ABCF1: variants seen among roughly 807,000 people sequenced by gnomAD.
The protein encoded by ABCF1 is ATP binding cassette subfamily F member 1, also known as ATP-binding cassette sub-family F member 1.
In ABCF1, 73 loss-of-function variants were observed where a neutral mutation model predicts 126.3. The ratio of observed to expected loss-of-function variants is 0.58; its 90% CI spans 0.48 to 0.70. The LOEUF is 0.70. ABCF1 is among the 30% of genes least tolerant of loss of function. ABCF1 has a pLI of 0.00. For synonymous variants in ABCF1, 345 were observed against 396.4 expected (o/e 0.87, Z 1.54); for missense variants, 786 against 1,057.5 (o/e 0.74, Z 3.56).
At chr6:30,587,301 A>G (rs1206640849) in intron 20 of ABCF1, among the ~76,000 whole-genome samples, 1 of 151,120 alleles carries the variant, frequency 6.6e-6, no homozygotes, top group Non-Finnish European at 1.5e-5. Context: ...CTATAATCCC[A>G]ACTCTTTGGG....
intron 1 of ABCF1, among the ~76,000 whole-genome samples, chr6:30,576,274 C>CTATTTT (rs1235123074): frequency 1.5e-5 from 1 of 67,102 alleles, no homozygotes; most frequent in South Asian, 9.0e-4. Context: ...TCTCTGAGTG[C>CTATTTT]TCTTTTTTTT....
rs181991826 is a variant in ABCF1 at position 30,576,931 on chromosome 6, C to T, written c.74-478C>T. Among the ~76,000 whole-genome samples the T allele has an allele frequency of 1.4e-3, 206 of 152,332 alleles. No homozygotes were observed. In the Middle Eastern group the frequency reaches 0.027, roughly 20 times the overall value. ...GGGCCTGTGCACAGCACTGGAATTACACCATGTGTCTGACTAACTTCTCAT... is the reference window on the plus strand; with the variant it reads ...GGGCCTGTGCACAGCACTGGAATTATACCATGTGTCTGACTAACTTCTCAT... On this transcript the variant is annotated intron_variant, in intron 1 of 24. Transcript: ENST00000326195.
At chr6:30,580,047 A>T (rs1237118874) in intron 7 of ABCF1, 42 bp downstream of exon 7, 1 of 1,596,932 alleles carries the variant, frequency 6.3e-7, no homozygotes, top group Admixed American at 1.7e-5. Flanking sequence ...GGGCCCAGGA[A>T]TTAAAACATT....
chr6:30,584,062 A>G lies in ABCF1; in HGVS notation c.1103-130A>G. The G allele has an allele frequency of 2.1e-6, 3 of 1,427,862 alleles. No individual in the cohort carries two copies. The highest frequency in any genetic ancestry group is 1.9e-6 in the Non-Finnish European group (2 of 1,055,504). The allele number at this position is 1,427,862 out of a possible 1,614,324, so 88.4% of individuals were successfully genotyped here. A position where few individuals can be genotyped will look rare whatever the true frequency, so the allele number is the denominator to read the frequency against. ...GAGGGGAGGGTCAATGAGGAACTTG[A>G]GAGTGTTTTATTTGGAACAAGTACA... On this transcript the variant is annotated intron_variant, in intron 12 of 24. Coordinates refer to ENST00000326195, the MANE Select transcript of ABCF1 (RefSeq NM_001025091.2). The surrounding 1 kb of genome is among the most constrained non-coding windows in gnomAD (Gnocchi z 4.6).
Position 30,582,387 on chromosome 6 carries a change from C to A in ABCF1, c.679-7C>A. On this transcript the variant is annotated splice_polypyrimidine_tract_variant and splice_region_variant and intron_variant, in intron 8 of 24. Transcript: ENST00000326195. ...CCCTAGTTTTGACCATCCCCGGGTT[C>A]TCACAGGGTTCAGAGGAAGAAGGAG... 6.3e-7 allele frequency: 1 copy of A among 1,580,332 alleles called. No homozygotes were observed. The highest frequency in any genetic ancestry group is 8.7e-7 in the Non-Finnish European group (1 of 1,153,196).
chr6:30,583,024 G>A lies in ABCF1; in HGVS notation c.793-42G>A, dbSNP rs1801906991. 6.3e-7 allele frequency: 1 copy of A among 1,587,500 alleles called. No homozygotes were observed. Among genetic ancestry groups the A allele is most frequent in the Non-Finnish European group, 8.6e-7 (1 of 1,160,836 alleles). ...GGCTGTTTCATGGTGATGGGAAACT[G>A]GTAGACTGTGGCTTCAAATGTAGTT... On this transcript the variant is annotated intron_variant, in intron 9 of 24. Coordinates refer to ENST00000326195, the MANE Select transcript of ABCF1 (RefSeq NM_001025091.2). This position sits in a 1 kb window ranked among gnomAD's most constrained non-coding sequence, Gnocchi z 4.1.
At position 30,586,186 on chromosome 6, in the gene ABCF1, A is replaced by C; in HGVS notation, c.1766A>C (p.Lys589Thr). 6.2e-7 allele frequency: 1 copy of C among 1,614,060 alleles called. No homozygotes were observed. The highest frequency in any genetic ancestry group is 1.1e-5 in the South Asian group (1 of 91,086). Residue 589 changes from lysine to threonine, a missense_variant, in exon 18 of 25, where the codon AAA (lysine) becomes ACA (threonine). Physicochemically the swap from Lys to Thr is moderately conservative, Grantham distance 78 (BLOSUM62 -1). Around this residue, in one of 4 missense-constraint regions of ABCF1, gnomAD observed 288 missense variants for 423.5 expected, o/e 0.68. Transcript: ENST00000326195. This position sits in a 1 kb window ranked among gnomAD's most constrained non-coding sequence, Gnocchi z 4.9. ...LTRKQQKCRR[K>T]NQDEESQEAP... Reference sequence around the variant, plus strand: ...CGGAAGCAGCAGAAATGCCGACGGAAAAACCAAGATGAGGAATCCCAGGAG... The same window carrying C: ...CGGAAGCAGCAGAAATGCCGACGGACAAACCAAGATGAGGAATCCCAGGAG...
Position 30,577,446 on chromosome 6 carries a change from C to G in ABCF1, c.111C>G (p.Ile37Met), listed in dbSNP as rs535721110. 24 of 1,612,468 alleles carry G rather than the reference C, an allele frequency of 1.5e-5. No homozygotes were observed. The South Asian group carries it at 1.9e-4, about 13-fold the overall frequency. ...VVKKGKKDKK[I>M]KKTFFEELAV... ...AGAAAGGGAAGAAGGACAAGAAGAT[C>G]AAAAAAACGGTGAGAAAATGAGGGT... Residue 37 changes from isoleucine to methionine, a missense_variant, in exon 2 of 25, where the codon ATC becomes ATG. Physicochemically the swap from Ile to Met is conservative, Grantham distance 10. This residue lies in a region of ABCF1 where 322 missense variants were observed against 322.9 expected (regional missense o/e 1.00). Transcript: ENST00000326195.
At chr6:30,585,470 C>T (rs1802066369) in intron 15 of ABCF1, 88 bp from the exon 16 acceptor site, 4 of 1,592,694 alleles carry the variant, frequency 2.5e-6, no homozygotes, top group South Asian at 2.2e-5. Context: ...CCCCCCTTTC[C>T]CTCCCAGCCC....
intron 1 of ABCF1, among the ~76,000 whole-genome samples, chr6:30,576,438 C>A (rs1801507231): frequency 6.6e-6 from 1 of 151,838 alleles, no homozygotes; most frequent in Non-Finnish European, 1.5e-5. Context: ...CAGGCGCCCG[C>A]CACTATGCCT....
chr6:30,586,344 C>G lies in ABCF1; in HGVS notation c.1885+39C>G, dbSNP rs368210218. On this transcript the variant is annotated intron_variant, in intron 18 of 24. Coordinates refer to ENST00000326195, the MANE Select transcript of ABCF1 (RefSeq NM_001025091.2). The surrounding 1 kb of genome is among the most constrained non-coding windows in gnomAD (Gnocchi z 4.9). The stretch of plus-strand genomic sequence containing the variant: ...GCCTCTGCTGCTCCACAGGAAGCAC[C>G]GGAAGCATGTATGTGCACCCTAAAT... The G allele has an allele frequency of 5.0e-6, 8 of 1,599,262 alleles. No homozygotes were observed. In the South Asian group the frequency reaches 7.8e-5, roughly 16 times the overall value.
intron 8 of ABCF1, among the ~76,000 whole-genome samples, chr6:30,580,817 G>C (rs879547714): frequency 7.9e-5 from 12 of 152,016 alleles, no homozygotes; most frequent in Admixed American, 2.6e-4. Context: ...GGGACTACAA[G>C]TGTGCACCAC....
intron 8 of ABCF1, 137 bp from the exon 9 acceptor site, chr6:30,582,257 C>G (rs1801858082): frequency 1.7e-6 from 1 of 589,134 alleles, no homozygotes; most frequent in African/African-American, 1.9e-5. Context: ...GGGGTTTCAC[C>G]ATGTTAGCCA....
intron 14 of ABCF1, 143 bp from the exon 15 acceptor site, chr6:30,585,117 C>A (rs1802039640): frequency 5.3e-6 from 4 of 753,608 alleles, no homozygotes; most frequent in Non-Finnish European, 9.2e-6. Context: ...AAAAATTAAA[C>A]CGTATCCTGC....
chr6:30,591,314 C>T lies in ABCF1; in HGVS notation c.*613C>T, dbSNP rs145548649. 2.4e-3 allele frequency: 361 copies of T among 152,380 alleles called. No homozygotes were observed. Among genetic ancestry groups the T allele is most frequent in the Middle Eastern group, 6.8e-3 (2 of 294 alleles). 9.4% of individuals were successfully genotyped at this position (152,380 alleles called of 1,614,324 possible). On this transcript the variant is annotated 3_prime_UTR_variant, in exon 25 of 25. Transcript: ENST00000326195. ...ATAAAGGAAAGGAGTTGCTGCCGAC[C>T]TGTCACTGTTTGGAGATTGATGGGA... is the stretch of plus-strand genomic sequence containing the variant.
At chr6:30,580,850 T>C (rs1027197921) in intron 8 of ABCF1, among the ~76,000 whole-genome samples, 1 of 151,902 alleles carries the variant, frequency 6.6e-6, no homozygotes, top group African/African-American at 2.4e-5. Flanking sequence ...ATTTTTTTAT[T>C]TTTAGTATAG....
chr6:30,572,269 T>G (rs1801292393), intron 1 of ABCF1, among the ~76,000 whole-genome samples: 1 of 152,210 alleles, frequency 6.6e-6, no homozygotes, highest in South Asian at 2.1e-4. Flanking sequence ...ACTTATTGGA[T>G]GCCTACTGTA....
chr6:30,586,495 G>T lies in ABCF1; in HGVS notation c.1907G>T (p.Gly636Val), dbSNP rs1802142090. 6.2e-7 allele frequency: 1 copy of T among 1,613,376 alleles called. No homozygotes were observed. The highest frequency in any genetic ancestry group is 8.5e-7 in the Non-Finnish European group (1 of 1,180,036). ...TCAGGTGTGACATTCGGCTACCAGG[G>T]ACAGAAACCACTCTTTAAGAACTTG... Reference protein sequence around the residue: ...GLHGVTFGYQGQKPLFKNLDF... With the variant: ...GLHGVTFGYQVQKPLFKNLDF... Residue 636 changes from glycine (G) to valine (V), a missense_variant, in exon 19 of 25, where the codon GGA (glycine) becomes GTA (valine). Physicochemically the swap from Gly to Val is moderately radical, Grantham distance 109 (BLOSUM62 -3). Coordinates refer to ENST00000326195, the MANE Select transcript of ABCF1 (RefSeq NM_001025091.2). The surrounding 1 kb of genome is among the most constrained non-coding windows in gnomAD (Gnocchi z 4.9).
rs1383579742 is a variant in ABCF1 at position 30,584,185 on chromosome 6, C to G, written c.1103-7C>G. 2 of 1,608,450 alleles carry G rather than the reference C, an allele frequency of 1.2e-6. No homozygotes were observed. Among genetic ancestry groups the G allele is most frequent in the Admixed American group, 1.7e-5 (1 of 59,660 alleles). On this transcript the variant is annotated splice_region_variant and splice_polypyrimidine_tract_variant and intron_variant, in intron 12 of 24. Coordinates refer to ENST00000326195, the MANE Select transcript of ABCF1 (RefSeq NM_001025091.2). This position sits in a 1 kb window ranked among gnomAD's most constrained non-coding sequence, Gnocchi z 4.6. ...GGCTGCCTGACTGTTCTCCCTCTGC[C>G]TCCCAGAGGTGGTAGCAGATGAGAC...
Sources: allele counts gnomAD v4.1 joint callset (sites outside exome capture counted in the v4.1 genomes callset), GRCh38; gene constraint gnomAD v4.1.1; regional missense constraint gnomAD v4.1.1; non-coding constraint Gnocchi (gnomAD v3.1); transcripts MANE v1.5; gene names NCBI Gene and HGNC (gene_info 2026-07-23, HGNC 2026-07-21).